RPS6KC1: variants seen among roughly 807,000 people sequenced by gnomAD.
The protein encoded by RPS6KC1 is ribosomal protein S6 kinase C1.
A neutral mutation model predicts 103.8 loss-of-function variants in RPS6KC1; 54 were observed. The observed-to-expected ratio is 0.52, with a 90% CI of 0.42 to 0.65. The LOEUF is 0.65. Ranked by LOEUF, RPS6KC1 falls within the 30% of genes least tolerant of loss-of-function variation. RPS6KC1 has a pLI of 0.00. For synonymous variants in RPS6KC1, 439 were observed against 438.7 expected, an observed-to-expected ratio of 1.00 and a Z score of -0.01; for missense variants, 1,151 against 1,253.8, an observed-to-expected ratio of 0.92 and a Z score of 1.24.
the RPS6KC1 span, among the ~76,000 whole-genome samples, chr1:213,328,580 T>A: frequency 6.7e-6 from 1 of 148,766 alleles, no homozygotes; most frequent in Non-Finnish European, 1.5e-5. Flanking sequence ...TATATTTCTG[T>A]ATAGTCCTTT....
intron 1 of RPS6KC1, among the ~76,000 whole-genome samples, chr1:213,064,785 C>T (rs1401951620): frequency 6.9e-6 from 1 of 144,510 alleles, no homozygotes; most frequent in Admixed American, 7.2e-5. Flanking sequence ...TCATGCCATT[C>T]TCCTGCCTCA....
the RPS6KC1 span, among the ~76,000 whole-genome samples, chr1:213,399,284 G>A: frequency 6.6e-6 from 1 of 152,148 alleles, no homozygotes; most frequent in African/African-American, 2.4e-5. Flanking sequence ...TAAAGCCATT[G>A]GTCCACACAG....
At chr1:213,350,649 AAC>A in the RPS6KC1 span, among the ~76,000 whole-genome samples, 1 of 152,208 alleles carries the variant, frequency 6.6e-6, no homozygotes, top group East Asian at 1.9e-4. Flanking sequence ...GATTATTAAA[AAC>A]ACTTTTTTTC....
intron 8 of RPS6KC1, among the ~76,000 whole-genome samples, chr1:213,199,327 G>T (rs1269313914): frequency 6.6e-6 from 1 of 152,122 alleles, no homozygotes; most frequent in African/African-American, 2.4e-5. Context: ...GGGATATAAG[G>T]TTGGTTCAAC....
At chr1:213,428,568 TTA>T in the RPS6KC1 span, 1 of 67,330 alleles carries the variant, frequency 1.5e-5, no homozygotes, top group Admixed American at 1.4e-4. Context: ...CGCTCGCTCT[TTA>T]TCTCCCTCCC....
At chr1:213,262,887 TA>T (rs1558656084) in intron 14 of RPS6KC1, 71 bp downstream of exon 14, 2 of 894,430 alleles carry the variant, frequency 2.2e-6, no homozygotes. Flanking sequence ...TCCAAAACCT[TA>T]AAAAGAGATT....
chr1:213,655,531 G>A, the RPS6KC1 span, among the ~76,000 whole-genome samples: 5 of 152,188 alleles, frequency 3.3e-5, no homozygotes, highest in South Asian at 2.1e-4. Flanking sequence ...TCTAAAACAC[G>A]CTAGATTTTG....
chr1:213,280,972 A>C, the RPS6KC1 span, among the ~76,000 whole-genome samples: 1 of 152,134 alleles, frequency 6.6e-6, no homozygotes, highest in African/African-American at 2.4e-5. Context: ...CAGGCTTTGC[A>C]CTGCTTTCTT....
chr1:213,699,429 T>C, the RPS6KC1 span, among the ~76,000 whole-genome samples: 1 of 152,128 alleles, frequency 6.6e-6, no homozygotes, highest in African/African-American at 2.4e-5. Context: ...CCGTTGTGTA[T>C]AAGTACATTT....
At chr1:213,477,772 G>A in the RPS6KC1 span, among the ~76,000 whole-genome samples, 1 of 152,116 alleles carries the variant, frequency 6.6e-6, no homozygotes, top group Non-Finnish European at 1.5e-5. Context: ...TTGAGTCAGA[G>A]GTACAGGGAT....
the RPS6KC1 span, among the ~76,000 whole-genome samples, chr1:213,753,780 A>AT: frequency 6.6e-6 from 1 of 152,198 alleles, no homozygotes; most frequent in Non-Finnish European, 1.5e-5. Flanking sequence ...TTCTCAGCAC[A>AT]TTATCCAACA....
chr1:213,451,251 T>C, the RPS6KC1 span, among the ~76,000 whole-genome samples: 1 of 152,310 alleles, frequency 6.6e-6, no homozygotes, highest in Non-Finnish European at 1.5e-5. Flanking sequence ...CTGAAATAGG[T>C]CAATTTTAGA....
Position 213,233,058 on chromosome 1 carries a change from A to G in RPS6KC1, c.1225+803A>G, listed in dbSNP as rs75645450. On this transcript the variant is annotated intron_variant, in intron 10 of 14. Transcript: ENST00000366960. ...TAACTATTGTACTTTACTAATAGGCATAACATTTGTATTTAATATAATTTT... is the reference window on the plus strand; with the variant it reads ...TAACTATTGTACTTTACTAATAGGCGTAACATTTGTATTTAATATAATTTT... Among the ~76,000 whole-genome samples, 640 of 152,328 alleles carry G rather than the reference A, an allele frequency of 4.2e-3. 2 individuals carry two copies. Among genetic ancestry groups the G allele is most frequent in the African/African-American group, 0.015 (604 of 41,568 alleles).
the RPS6KC1 span, among the ~76,000 whole-genome samples, chr1:213,652,727 A>G: frequency 6.6e-6 from 1 of 152,144 alleles, no homozygotes; most frequent in Admixed American, 6.5e-5. Flanking sequence ...GAACTGAGGT[A>G]CCCCAGCCAG....
chr1:213,261,082 A>G (rs9430121), intron 12 of RPS6KC1, among the ~76,000 whole-genome samples: 41,075 of 152,072 alleles, frequency 0.27, 6,377 homozygotes, highest in East Asian at 0.4. Context: ...TTCTCCTACA[A>G]TGTGACATTG....
the RPS6KC1 span, among the ~76,000 whole-genome samples, chr1:213,843,123 T>C: frequency 3.3e-5 from 5 of 152,210 alleles, no homozygotes; most frequent in Non-Finnish European, 7.3e-5. Context: ...CTAGACAGAA[T>C]TGCATTTTCT....
the RPS6KC1 span, among the ~76,000 whole-genome samples, chr1:213,635,349 T>G: frequency 6.6e-6 from 1 of 152,294 alleles, no homozygotes; most frequent in Non-Finnish European, 1.5e-5. Flanking sequence ...ATATCCCTAA[T>G]GAACATCGAT....
At chr1:213,801,276 T>C in the RPS6KC1 span, among the ~76,000 whole-genome samples, 1 of 152,184 alleles carries the variant, frequency 6.6e-6, no homozygotes, top group Non-Finnish European at 1.5e-5. Context: ...CTTAAAGAAA[T>C]ATGCACATAC....
intron 6 of RPS6KC1, among the ~76,000 whole-genome samples, chr1:213,151,831 T>A (rs1298980467): frequency 9.2e-6 from 1 of 108,362 alleles, no homozygotes; most frequent in Non-Finnish European, 1.9e-5. Context: ...GGCGAGGGGC[T>A]GACCCCCCCA....
Sources: allele counts gnomAD v4.1 joint callset (sites outside exome capture counted in the v4.1 genomes callset), GRCh38; gene constraint gnomAD v4.1.1; transcripts MANE v1.5; gene names NCBI Gene and HGNC (gene_info 2026-07-23, HGNC 2026-07-21).